The following THSD7B variants were observed in gnomAD, a reference collection of about 807,000 sequenced individuals.
THSD7B encodes thrombospondin type-1 domain-containing protein 7B.
In THSD7B, 138 loss-of-function variants were observed where a neutral mutation model predicts 213.6. That is an observed-to-expected ratio of 0.65 (90% confidence interval 0.56 to 0.74). THSD7B has a LOEUF of 0.74. THSD7B is among the 30% of genes least tolerant of loss of function. THSD7B has a pLI of 0.00. For synonymous variants in THSD7B, 742 were observed against 687.0 expected, an observed-to-expected ratio of 1.08 and a Z score of -1.25; for missense variants, 1,931 against 1,991.5, an observed-to-expected ratio of 0.97 and a Z score of 0.58.
intron 15 of THSD7B, among the ~76,000 whole-genome samples, chr2:137,460,877 C>T (rs1045040511): frequency 6.6e-6 from 1 of 152,118 alleles, no homozygotes; most frequent in African/African-American, 2.4e-5. Flanking sequence ...CCACCTTCCT[C>T]TCACCAAATA....
At chr2:136,952,453 T>G (rs926846314) in intron 2 of THSD7B, among the ~76,000 whole-genome samples, 2 of 144,254 alleles carry the variant, frequency 1.4e-5, no homozygotes, top group East Asian at 4.3e-4. Flanking sequence ...TTTTTTTTTT[T>G]GTGGGTGTAA....
intron 1 of THSD7B, among the ~76,000 whole-genome samples, chr2:136,768,552 C>A (rs952131554): frequency 5.9e-5 from 9 of 152,016 alleles, no homozygotes; most frequent in Non-Finnish European, 1.3e-4. Flanking sequence ...ACAAATGATA[C>A]AATATATTAA....
intron 15 of THSD7B, among the ~76,000 whole-genome samples, chr2:137,469,183 G>A (rs975728495): frequency 1.3e-5 from 2 of 152,166 alleles, no homozygotes; most frequent in Non-Finnish European, 2.9e-5. Flanking sequence ...CCATGTCTAA[G>A]AGATCAAACC....
intron 20 of THSD7B, among the ~76,000 whole-genome samples, chr2:137,628,933 G>A (rs1390038396): frequency 1.3e-5 from 2 of 152,014 alleles, no homozygotes; most frequent in Admixed American, 1.3e-4. Context: ...TCCTTACATG[G>A]AACCTCTCAC....
intron 5 of THSD7B, among the ~76,000 whole-genome samples, chr2:137,129,142 T>A (rs1012504063): frequency 6.6e-6 from 1 of 152,162 alleles, no homozygotes; most frequent in African/African-American, 2.4e-5. Flanking sequence ...AAGAAGAAGA[T>A]AATTATTTTC....
In THSD7B at chr2:137,057,039, G is replaced by A; in HGVS notation, c.759G>A (p.Leu253=). The change falls in exon 3 of 28, where the codon CTG becomes CTA. Residue 253 remains leucine, a synonymous_variant. Transcript: ENST00000409968. The stretch of plus-strand genomic sequence containing the variant: ...TTGGACCATGGAGTAAATGCAGACT[G>A]CCTCATCTTAAAGAAATTAATCCAA... The part of the protein sequence containing the change: ...LKVGPWSKCR[L]PHLKEINPSG... 1 of 1,613,958 alleles carries A rather than the reference G, an allele frequency of 6.2e-7. No individual in the cohort carries two copies. The highest frequency in any genetic ancestry group is 8.5e-7 in the Non-Finnish European group (1 of 1,179,894).
chr2:137,105,611 A>T lies in THSD7B; in HGVS notation c.1200-9513A>T, dbSNP rs1688232132. 5.9e-5 allele frequency among the ~76,000 whole-genome samples: 9 copies of T among 152,318 alleles called. No homozygotes were observed. The South Asian group carries it at 1.9e-3, about 32-fold the overall frequency. Reference sequence around the variant, plus strand: ...ATTCAAATAGGAAGAGAGGAAGTCAAATTGTCTCTGTTTGCAGATGACATG... The same window carrying T: ...ATTCAAATAGGAAGAGAGGAAGTCATATTGTCTCTGTTTGCAGATGACATG... On this transcript the variant is annotated intron_variant, in intron 4 of 27. Transcript: ENST00000409968.
At chr2:137,119,296 G>A (rs1275381267) in intron 5 of THSD7B, among the ~76,000 whole-genome samples, 1 of 152,176 alleles carries the variant, frequency 6.6e-6, no homozygotes, top group Non-Finnish European at 1.5e-5. Context: ...TTATGTGCCT[G>A]TTATGAGTTA....
chr2:137,255,299 G>A (rs1682280553), intron 10 of THSD7B, among the ~76,000 whole-genome samples: 1 of 152,138 alleles, frequency 6.6e-6, no homozygotes, highest in African/African-American at 2.4e-5. Flanking sequence ...GGTGAGCACA[G>A]CTGAGAAGAC....
intron 1 of THSD7B, among the ~76,000 whole-genome samples, chr2:136,797,433 A>G (rs77145176): frequency 1.2e-3 from 180 of 152,150 alleles, no homozygotes; most frequent in African/African-American, 4.0e-3. Context: ...CTGAGTGAAT[A>G]AACTCAAAGA....
chr2:137,075,548 G>T (rs577688739), intron 3 of THSD7B, among the ~76,000 whole-genome samples: 4 of 151,982 alleles, frequency 2.6e-5, no homozygotes, highest in Admixed American at 2.0e-4. Flanking sequence ...CCTGTAGCTC[G>T]GAGTAGTTTG....
chr2:137,470,713 A>C (rs1242237412), intron 15 of THSD7B, among the ~76,000 whole-genome samples: 1 of 152,056 alleles, frequency 6.6e-6, no homozygotes, highest in Non-Finnish European at 1.5e-5. Flanking sequence ...CAATTTTTAA[A>C]ATTAGTTGTC....
Position 137,308,095 on chromosome 2 carries a change from A to C in THSD7B, c.2500+32069A>C, listed in dbSNP as rs116667252. Among the ~76,000 whole-genome samples, 761 of 152,070 alleles carry C rather than the reference A, an allele frequency of 5.0e-3. 3 individuals carry two copies. The highest frequency in any genetic ancestry group is 0.017 in the African/African-American group (722 of 41,510). ...TGGAAGAGAGAATGGAGGCTTCCCC[A>C]CGATTATTTCCTCCAGGTGTTAAAG... On this transcript the variant is annotated intron_variant, in intron 12 of 27. Coordinates refer to ENST00000409968, the MANE Select transcript of THSD7B (RefSeq NM_001316349.2).
intron 5 of THSD7B, among the ~76,000 whole-genome samples, chr2:137,120,898 C>A (rs990460646): frequency 6.6e-6 from 1 of 152,154 alleles, no homozygotes; most frequent in African/African-American, 2.4e-5. Flanking sequence ...CAGAGGCAAA[C>A]ATAGACTTTA....
At chr2:136,792,707 T>C (rs1003815710) in intron 1 of THSD7B, among the ~76,000 whole-genome samples, 1 of 152,062 alleles carries the variant, frequency 6.6e-6, no homozygotes, top group Non-Finnish European at 1.5e-5. Context: ...CTGGGATTAT[T>C]TTCCCCATTA....
intron 2 of THSD7B, among the ~76,000 whole-genome samples, chr2:136,927,181 GT>G (rs113157727): frequency 4.4e-4 from 63 of 143,928 alleles, no homozygotes; most frequent in Middle Eastern, 3.6e-3. Flanking sequence ...CTTCTTGCCA[GT>G]TTTTTTTTTT....
At chr2:136,874,172 G>C (rs1384128196) in intron 1 of THSD7B, among the ~76,000 whole-genome samples, 1 of 121,246 alleles carries the variant, frequency 8.2e-6, no homozygotes, top group Non-Finnish European at 2.2e-5. Context: ...AGTCTCTCTT[G>C]CTTCAGTGGG....
At chr2:136,990,793 A>G (rs1685764819) in intron 2 of THSD7B, 2 of 869,512 alleles carry the variant, frequency 2.3e-6, no homozygotes, top group South Asian at 1.4e-5. Flanking sequence ...ACTGATTAGG[A>G]CACGCCACAG....
At chr2:137,635,057 G>A (rs993284767) in intron 20 of THSD7B, among the ~76,000 whole-genome samples, 5 of 152,062 alleles carry the variant, frequency 3.3e-5, no homozygotes, top group Non-Finnish European at 7.4e-5. Flanking sequence ...TATCAATGTT[G>A]TTTATAATGA....
Sources: allele counts gnomAD v4.1 joint callset (sites outside exome capture counted in the v4.1 genomes callset), GRCh38; gene constraint gnomAD v4.1.1; transcripts MANE v1.5; gene names NCBI Gene and HGNC (gene_info 2026-07-23, HGNC 2026-07-21).